LILRA1: variants seen among roughly 807,000 people sequenced by gnomAD.
LILRA1 encodes the protein leukocyte immunoglobulin-like receptor subfamily A member 1.
In LILRA1, 51 loss-of-function variants were observed where a neutral mutation model predicts 51.6. The observed-to-expected ratio is 0.99, with a 90% CI of 0.79 to 1.25. LILRA1 has a LOEUF of 1.25. Ranked by LOEUF, LILRA1 falls within the 50% of genes most tolerant of loss-of-function variation. The probability of loss-of-function intolerance (pLI) is 0.00; values close to 1 mark genes in which losing one functional copy is unlikely to be tolerated. For synonymous variants in LILRA1, 305 were observed against 248.4 expected (o/e 1.23, Z -2.14); for missense variants, 660 against 611.7 (o/e 1.08, Z -0.83).
chr19:54,601,433 A>G lies in LILRA1; in HGVS notation c.*616A>G, dbSNP rs1368157652. Reference sequence around the variant, plus strand: ...CCATCACTGCCATCCTGTTCCACACATGGTCATCACCCTACACCCATTCAG... The same window carrying G: ...CCATCACTGCCATCCTGTTCCACACGTGGTCATCACCCTACACCCATTCAG... On this transcript the variant is annotated 3_prime_UTR_variant, in exon 10 of 10. Coordinates refer to ENST00000251372, the MANE Select transcript of LILRA1 (RefSeq NM_006863.4). The G allele has an allele frequency of 6.2e-6, 1 of 160,152 alleles. No homozygotes were observed. The highest frequency in any genetic ancestry group is 1.4e-5 in the Non-Finnish European group (1 of 72,720). The allele number at this position is 160,152 out of a possible 1,614,324, so 9.9% of individuals were successfully genotyped here.
intron 9 of LILRA1, 67 bp from the exon 10 acceptor site, chr19:54,600,632 C>T: frequency 6.2e-7 from 1 of 1,611,366 alleles, no homozygotes. Context: ...TCTGGGTGGA[C>T]ATCCAGAGGT....
chr19:54,595,543 C>T lies in LILRA1; in HGVS notation c.662-96C>T, dbSNP rs185195501. 6,533 of 1,542,752 alleles carry T rather than the reference C, an allele frequency of 4.2e-3. 2 individuals carry two copies. The highest frequency in any genetic ancestry group is 8.4e-3 in the Middle Eastern group (45 of 5,350). On this transcript the variant is annotated intron_variant, in intron 5 of 9. Coordinates refer to ENST00000251372, the MANE Select transcript of LILRA1 (RefSeq NM_006863.4). ...CTCAGGGCTCCTGGGGCCGGAGACA[C>T]AGGAAGATCAGCAGTGGTGAGGCCC...
Position 54,596,462 on chromosome 19 carries a change from C to G in LILRA1, c.1232C>G (p.Pro411Arg), listed in dbSNP as rs754908963. ...LSSNPYLLSHPSDSLELMVSG... is the reference protein window; with the variant it reads ...LSSNPYLLSHRSDSLELMVSG... ...TCCAACCCCTACCTGCTGTCTCACC[C>G]CAGTGACTCCCTGGAGCTCATGGTC... The change falls in exon 7 of 10, where the codon CCC becomes CGC. Residue 411 changes from proline to arginine, a missense_variant. Pro to Arg is a moderately radical substitution (Grantham distance 103, BLOSUM62 -2). Coordinates refer to ENST00000251372, the MANE Select transcript of LILRA1 (RefSeq NM_006863.4). 6.2e-7 allele frequency: 1 copy of G among 1,614,190 alleles called. No individual in the cohort carries two copies. The highest frequency in any genetic ancestry group is 8.5e-7 in the Non-Finnish European group (1 of 1,180,032).
chr19:54,594,986 T>C (rs2063001285), intron 4 of LILRA1, 34 bp downstream of exon 4: 1 of 1,611,376 alleles, frequency 6.2e-7, no homozygotes, highest in Non-Finnish European at 8.5e-7. Context: ...AGCCCCAGGC[T>C]CTGCCCTCAG....
At chr19:54,594,120 G>A (rs1448348967) in intron 1 of LILRA1, 77 bp from the exon 2 acceptor site, 2 of 1,480,102 alleles carry the variant, frequency 1.4e-6, no homozygotes, top group Non-Finnish European at 1.9e-6. Flanking sequence ...CCCATGAGAA[G>A]GACCCAGCCT....
At chr19:54,598,450 C>T (rs371009326) in intron 7 of LILRA1, among the ~76,000 whole-genome samples, 33 of 152,172 alleles carry the variant, frequency 2.2e-4, no homozygotes, top group Admixed American at 1.0e-3. Context: ...ACTGACTGGG[C>T]GGCTCCCTGT....
At position 54,600,613 on chromosome 19, in the gene LILRA1, A is replaced by G; in HGVS notation, c.1351+63A>G. The G allele has an allele frequency of 2.5e-6, 4 of 1,612,184 alleles. No homozygotes were observed. In the East Asian group the frequency reaches 8.9e-5, roughly 36 times the overall value. On this transcript the variant is annotated intron_variant, in intron 9 of 9. Coordinates refer to ENST00000251372, the MANE Select transcript of LILRA1 (RefSeq NM_006863.4). The stretch of plus-strand genomic sequence containing the variant: ...CAAGGGTTGGGTCCTGTCAAGGGTA[A>G]GGAGGTGCTCTGGGTGGACATCCAG...
At chr19:54,596,614 TC>T in intron 7 of LILRA1, 123 bp downstream of exon 7, 1 of 1,374,668 alleles carries the variant, frequency 7.3e-7, no homozygotes, top group Admixed American at 2.3e-5. Context: ...ACACCTGTAA[TC>T]CCAGCACTTT....
chr19:54,598,370 T>C (rs2063102497), intron 7 of LILRA1, among the ~76,000 whole-genome samples: 2 of 152,134 alleles, frequency 1.3e-5, no homozygotes, highest in African/African-American at 4.8e-5. Context: ...CTGTACATAT[T>C]AAAAATCGAG....
intron 9 of LILRA1, 73 bp from the exon 10 acceptor site, chr19:54,600,626 G>C: frequency 6.2e-7 from 1 of 1,611,672 alleles, no homozygotes; most frequent in South Asian, 1.1e-5. Flanking sequence ...AGGTGCTCTG[G>C]GTGGACATCC....
chr19:54,597,848 T>A (rs1293555779), intron 7 of LILRA1, among the ~76,000 whole-genome samples: 1 of 151,374 alleles, frequency 6.6e-6, no homozygotes, highest in Non-Finnish European at 1.5e-5. Context: ...CAACACGTGC[T>A]GTGAATAATT....
At chr19:54,596,589 TG>T in intron 7 of LILRA1, 98 bp downstream of exon 7, 1 of 1,525,014 alleles carries the variant, frequency 6.6e-7, no homozygotes, top group Non-Finnish European at 8.9e-7. Flanking sequence ...GGGAGTTGGC[TG>T]GGCACGGTGG....
At chr19:54,596,573 A>G in intron 7 of LILRA1, 82 bp downstream of exon 7, 3 of 1,572,732 alleles carry the variant, frequency 1.9e-6, no homozygotes, top group Non-Finnish European at 2.6e-6. Flanking sequence ...GACACTAAGA[A>G]AAGAGGGGAG....
rs778400681 is a variant in LILRA1 at position 54,596,192 on chromosome 19, A to C, written c.962A>C (p.Gln321Pro). 2 of 1,613,530 alleles carry C rather than the reference A, an allele frequency of 1.2e-6. No homozygotes were observed. Among genetic ancestry groups the C allele is most frequent in the Non-Finnish European group, 1.7e-6 (2 of 1,179,642 alleles). Residue 321 changes from glutamine (Q) to proline (P), a missense_variant, in exon 7 of 10, where the codon CAG (glutamine) becomes CCG (proline). Transcript: ENST00000251372. The part of the protein sequence containing the change: ...SDPLDILIAG[Q>P]FRGRPFISVH... ...CACCCATCCTTCTTCTCTCCAGGAC[A>C]GTTCCGTGGCAGACCCTTCATCTCG...
intron 7 of LILRA1, among the ~76,000 whole-genome samples, chr19:54,597,430 G>A (rs1028677985): frequency 6.8e-6 from 1 of 146,110 alleles, no homozygotes; most frequent in African/African-American, 2.5e-5. Context: ...ACCTCTGGTT[G>A]AGACTCTCCA....
chr19:54,598,647 G>A (rs981899320), intron 7 of LILRA1, among the ~76,000 whole-genome samples: 1 of 151,978 alleles, frequency 6.6e-6, no homozygotes, highest in Non-Finnish European at 1.5e-5. Flanking sequence ...TTTGGTAGTG[G>A]GTTAATATGA....
At chr19:54,596,022 G>A in intron 6 of LILRA1, 87 bp downstream of exon 6, 1 of 1,563,890 alleles carries the variant, frequency 6.4e-7, no homozygotes, top group Non-Finnish European at 8.7e-7. Context: ...CGGAATGAGG[G>A]GTGGGGGTCC....
chr19:54,594,786 G>A lies in LILRA1; in HGVS notation c.192G>A (p.Lys64=). The A allele has an allele frequency of 1.2e-6, 2 of 1,614,136 alleles. No homozygotes were observed. The highest frequency in any genetic ancestry group is 1.7e-6 in the Non-Finnish European group (2 of 1,179,992). Residue 64 remains lysine, a synonymous_variant, in exon 4 of 10, where the codon AAG becomes AAA. Coordinates refer to ENST00000251372, the MANE Select transcript of LILRA1 (RefSeq NM_006863.4). ...AGGAGTACCGTCTGTATAGAGAAAAGAAAACAGCACCCTGGATTACACGGA... is the reference window on the plus strand; with the variant it reads ...AGGAGTACCGTCTGTATAGAGAAAAAAAAACAGCACCCTGGATTACACGGA... ...ETQEYRLYRE[K]KTAPWITRIP... is the part of the protein sequence containing the mutation.
At chr19:54,593,804 C>G in intron 1 of LILRA1, 23 bp downstream of exon 1, 1 of 1,157,590 alleles carries the variant, frequency 8.6e-7, no homozygotes, top group South Asian at 1.2e-5. Context: ...CAACGCTGAG[C>G]TGATGGATGG....
Sources: allele counts gnomAD v4.1 joint callset (sites outside exome capture counted in the v4.1 genomes callset), GRCh38; gene constraint gnomAD v4.1.1; transcripts MANE v1.5; gene names NCBI Gene and HGNC (gene_info 2026-07-23, HGNC 2026-07-21).